LAMA2: variants seen among roughly 807,000 people sequenced by gnomAD.
The protein encoded by LAMA2 is laminin subunit alpha 2.
LAMA2 carries 269 observed loss-of-function variants against 364.8 expected under a neutral mutation model. The observed-to-expected ratio is 0.74, with a 90% CI of 0.67 to 0.82. LAMA2 has a LOEUF of 0.82. Ranked by LOEUF, LAMA2 falls within the 40% of genes least tolerant of loss-of-function variation. The pLI, the probability that LAMA2 is intolerant of heterozygous loss-of-function variation, is 0.00. For missense variants in LAMA2, 3,807 were observed against 3,873.2 expected (o/e 0.98, Z 0.45); for synonymous variants, 1,379 against 1,370.6 (o/e 1.01, Z -0.14).
At chr6:128,992,037 T>C (rs529900424) in intron 1 of LAMA2, among the ~76,000 whole-genome samples, 1 of 152,374 alleles carries the variant, frequency 6.6e-6, no homozygotes, top group East Asian at 1.9e-4. Context: ...TACGGTCAAC[T>C]GTTTAAAACG....
intron 12 of LAMA2, among the ~76,000 whole-genome samples, chr6:129,231,365 C>T (rs967551671): frequency 6.6e-6 from 1 of 152,004 alleles, no homozygotes; most frequent in African/African-American, 2.4e-5. Flanking sequence ...AGCATTCATG[C>T]ATATATTTGG....
chr6:129,156,344 C>A (rs1178928709), intron 8 of LAMA2, among the ~76,000 whole-genome samples: 3 of 151,856 alleles, frequency 2.0e-5, no homozygotes, highest in Non-Finnish European at 4.4e-5. Flanking sequence ...TTATTTCTAT[C>A]TTCTTTATTC....
chr6:129,177,644 C>T, intron 9 of LAMA2, 62 bp from the exon 10 acceptor site: 1 of 1,549,052 alleles, frequency 6.5e-7, no homozygotes, highest in Non-Finnish European at 8.9e-7. Flanking sequence ...GTCATTAAAA[C>T]TTTAACAACT....
chr6:129,433,316 G>A (rs1781689197), intron 41 of LAMA2, among the ~76,000 whole-genome samples: 2 of 152,192 alleles, frequency 1.3e-5, no homozygotes, highest in Admixed American at 6.5e-5. Flanking sequence ...AGACCTAGGA[G>A]AGAAATACAG....
chr6:129,318,059 G>A (rs750425854), intron 27 of LAMA2, among the ~76,000 whole-genome samples: 11 of 152,054 alleles, frequency 7.2e-5, no homozygotes, highest in Non-Finnish European at 1.6e-4. Flanking sequence ...ACAATGCTAA[G>A]AACAAATAAA....
At chr6:129,343,291 G>A (rs1346489261) in intron 30 of LAMA2, among the ~76,000 whole-genome samples, 3 of 152,188 alleles carry the variant, frequency 2.0e-5, no homozygotes, top group African/African-American at 7.2e-5. Context: ...AACAGCCACA[G>A]AGCAATTTGG....
intron 12 of LAMA2, among the ~76,000 whole-genome samples, chr6:129,216,301 T>C (rs1783420496): frequency 6.6e-6 from 1 of 152,194 alleles, no homozygotes; most frequent in Admixed American, 6.5e-5. Flanking sequence ...AAACATGCCT[T>C]TCATACATTA....
chr6:129,424,134 C>G (rs1781210569), intron 40 of LAMA2, among the ~76,000 whole-genome samples: 1 of 151,902 alleles, frequency 6.6e-6, no homozygotes, highest in East Asian at 1.9e-4. Context: ...GTATATTTAA[C>G]AAATTCTACT....
intron 35 of LAMA2, 109 bp from the exon 36 acceptor site, chr6:129,391,382 G>A (rs891780526): frequency 5.0e-5 from 47 of 943,666 alleles, no homozygotes; most frequent in Middle Eastern, 4.3e-4. Context: ...AACACTCACG[G>A]CAAAATACTC....
At chr6:129,303,929 A>AGG in intron 22 of LAMA2, among the ~76,000 whole-genome samples, 1 of 152,224 alleles carries the variant, frequency 6.6e-6, no homozygotes, top group Non-Finnish European at 1.5e-5. Flanking sequence ...TGGATTCAGA[A>AGG]GTATTCCCTC....
intron 37 of LAMA2, among the ~76,000 whole-genome samples, chr6:129,394,667 G>A (rs560120382): frequency 1.0e-3 from 155 of 152,308 alleles, no homozygotes; most frequent in Non-Finnish European, 2.0e-3. Flanking sequence ...TGACTTACCC[G>A]AAGGTGCACC....
intron 22 of LAMA2, among the ~76,000 whole-genome samples, chr6:129,306,295 G>T (rs1773861432): frequency 7.9e-6 from 1 of 127,368 alleles, no homozygotes; most frequent in African/African-American, 3.0e-5. Flanking sequence ...TTTCAGGTCT[G>T]CTGACAATAA....
intron 51 of LAMA2, among the ~76,000 whole-genome samples, chr6:129,471,676 G>A (rs1311244099): frequency 6.6e-6 from 1 of 151,860 alleles, no homozygotes; most frequent in Non-Finnish European, 1.5e-5. Flanking sequence ...CCCCAGTCCA[G>A]TCAAGGAGAT....
intron 36 of LAMA2, among the ~76,000 whole-genome samples, 162 bp downstream of exon 36, chr6:129,391,815 C>T (rs1447202547): frequency 6.6e-6 from 1 of 152,074 alleles, no homozygotes; most frequent in Non-Finnish European, 1.5e-5. Context: ...ATCTATCTAT[C>T]TATTTATCTA....
chr6:129,028,295 G>T (rs1473962804), intron 1 of LAMA2, among the ~76,000 whole-genome samples: 1 of 151,596 alleles, frequency 6.6e-6, no homozygotes, highest in Non-Finnish European at 1.5e-5. Flanking sequence ...CAGCCATGTT[G>T]TATTCTTGCA....
chr6:129,431,930 T>C (rs1781617156), intron 41 of LAMA2, among the ~76,000 whole-genome samples: 1 of 152,182 alleles, frequency 6.6e-6, no homozygotes, highest in Non-Finnish European at 1.5e-5. Flanking sequence ...TTTTATATTT[T>C]AAAAATAAGA....
rs963018517 is a variant in LAMA2 at position 129,389,920 on chromosome 6, G to T, written c.5072-1571G>T. On this transcript the variant is annotated intron_variant, in intron 35 of 64. Coordinates refer to ENST00000421865, the MANE Select transcript of LAMA2 (RefSeq NM_000426.4). ...TGAGATTTGAGGTGGTCGGTGGGGG[G>T]ACACAGAGAAAAACCATATCAGGCT... is the stretch of plus-strand genomic sequence containing the variant. Among the ~76,000 whole-genome samples the T allele has an allele frequency of 2.6e-5, 4 of 152,082 alleles. No individual in the cohort carries two copies. The East Asian group carries it at 7.7e-4, about 29-fold the overall frequency.
chr6:129,168,431 C>T (rs922635392), intron 9 of LAMA2, among the ~76,000 whole-genome samples: 1 of 152,128 alleles, frequency 6.6e-6, no homozygotes, highest in Non-Finnish European at 1.5e-5. Context: ...AATCCTTTCC[C>T]CATTGCTTGT....
Position 129,263,318 on chromosome 6 carries a change from C to T in LAMA2, c.2208+2496C>T, listed in dbSNP as rs1486105427. Among the ~76,000 whole-genome samples, 4 of 152,028 alleles carry T rather than the reference C, an allele frequency of 2.6e-5. No individual in the cohort carries two copies. The East Asian group carries it at 5.8e-4, about 22-fold the overall frequency. ...ATGCCAGAAAGCAAATAGAAATAAA[C>T]GTGACAAATTCTATGAAGGAAATAA... On this transcript the variant is annotated intron_variant, in intron 15 of 64. Coordinates refer to ENST00000421865, the MANE Select transcript of LAMA2 (RefSeq NM_000426.4).
Sources: gnomAD v4.1 joint callset for allele counts (sites outside exome capture counted in the v4.1 genomes callset) on GRCh38, gnomAD v4.1.1 for gene constraint, MANE v1.5 for transcripts, NCBI Gene and HGNC (gene_info 2026-07-23, HGNC 2026-07-21) for gene names.